The following NIM1K variants were observed in gnomAD, a reference collection of about 807,000 sequenced individuals.
NIM1K encodes the protein NIM1 serine/threonine protein kinase, also known as serine/threonine-protein kinase NIM1.
A neutral mutation model predicts 37.1 loss-of-function variants in NIM1K; 35 were observed. That is an observed-to-expected ratio of 0.94 (90% CI 0.72 to 1.25). NIM1K has a LOEUF of 1.25. NIM1K is among the 50% of genes most tolerant of loss of function. The probability of loss-of-function intolerance (pLI) is 0.00; values close to 1 mark genes in which losing one functional copy is unlikely to be tolerated. For missense variants in NIM1K, 564 were observed against 548.0 expected (o/e 1.03, Z -0.29); for synonymous variants, 234 against 206.6 (o/e 1.13, Z -1.14).
Position 43,245,114 on chromosome 5 carries a change from G to A in NIM1K, c.-662G>A, listed in dbSNP as rs963228358. The A allele has an allele frequency of 3.3e-5, 5 of 152,300 alleles. No individual in the cohort carries two copies. In the East Asian group the frequency reaches 7.7e-4, roughly 23 times the overall value. 9.4% of individuals were successfully genotyped at this position (152,300 alleles called of 1,614,324 possible). A position where few individuals can be genotyped will look rare whatever the true frequency, so the allele number is the denominator to read the frequency against. ...CAGCCAAATTTTCGAGACAGCTCACGGCTTAGAGGAAGGTTCATCTAAATA... is the reference window on the plus strand; with the variant it reads ...CAGCCAAATTTTCGAGACAGCTCACAGCTTAGAGGAAGGTTCATCTAAATA... On this transcript the variant is annotated 5_prime_UTR_variant, in exon 2 of 4. Transcript: ENST00000326035.
intron 1 of NIM1K, among the ~76,000 whole-genome samples, chr5:43,202,043 G>C (rs1290998164): frequency 6.6e-6 from 1 of 151,304 alleles, no homozygotes; most frequent in East Asian, 1.9e-4. Context: ...TTGTGACCTT[G>C]AGCTATTTGA....
chr5:43,257,063 C>T (rs1348947232), intron 2 of NIM1K, among the ~76,000 whole-genome samples: 1 of 151,464 alleles, frequency 6.6e-6, no homozygotes, highest in Non-Finnish European at 1.5e-5. Context: ...AGAACTAAGC[C>T]TTCAGGTATC....
chr5:43,260,262 T>C (rs957543612), intron 2 of NIM1K, among the ~76,000 whole-genome samples: 18 of 152,236 alleles, frequency 1.2e-4, no homozygotes, highest in African/African-American at 3.1e-4. Context: ...TCCAGTACTA[T>C]GTTGAACAGA....
chr5:43,232,828 G>C lies in NIM1K; in HGVS notation c.-694-12254G>C, dbSNP rs553393115. The C allele has an allele frequency of 3.6e-5, 37 of 1,034,150 alleles. No individual in the cohort carries two copies. In the African/African-American group the frequency reaches 5.7e-4, roughly 16 times the overall value. The allele number at this position is 1,034,150 out of a possible 1,614,324, so 64.1% of individuals were successfully genotyped here. ...ACAAATTTGGTCCAAAACGAGGTCA[G>C]TGATCTCCTGGCCAATGGTGTAGTG... On this transcript the variant is annotated intron_variant, in intron 1 of 3. Coordinates refer to ENST00000326035, the MANE Select transcript of NIM1K (RefSeq NM_153361.4).
intron 2 of NIM1K, among the ~76,000 whole-genome samples, chr5:43,257,733 G>A (rs1171469996): frequency 6.6e-6 from 1 of 151,922 alleles, no homozygotes; most frequent in Non-Finnish European, 1.5e-5. Flanking sequence ...GGAGTCAAGA[G>A]AGGCTTTTTT....
At chr5:43,201,082 G>A (rs984772900) in intron 1 of NIM1K, among the ~76,000 whole-genome samples, 1 of 149,080 alleles carries the variant, frequency 6.7e-6, no homozygotes, top group Admixed American at 6.8e-5. Flanking sequence ...CCAAGATGGC[G>A]CCGCTGCACT....
intron 1 of NIM1K, among the ~76,000 whole-genome samples, chr5:43,218,870 G>A (rs865935965): frequency 6.6e-6 from 1 of 151,948 alleles, no homozygotes; most frequent in African/African-American, 2.4e-5. Context: ...GAGATTGCAG[G>A]AATGATATGG....
intron 1 of NIM1K, among the ~76,000 whole-genome samples, chr5:43,214,832 C>A (rs12515984): frequency 0.3 from 37,774 of 125,328 alleles, 5,690 homozygotes; most frequent in East Asian, 0.65. Context: ...AAAAAAAAAA[C>A]AAAAAAGAAA....
chr5:43,237,869 T>G (rs1053946523), intron 1 of NIM1K, among the ~76,000 whole-genome samples: 3 of 152,106 alleles, frequency 2.0e-5, no homozygotes, highest in Non-Finnish European at 2.9e-5. Context: ...TGAGATTTGC[T>G]GGCAATTCAG....
At chr5:43,237,778 AT>A (rs1246423708) in intron 1 of NIM1K, among the ~76,000 whole-genome samples, 2 of 152,074 alleles carry the variant, frequency 1.3e-5, no homozygotes, top group Non-Finnish European at 2.9e-5. Flanking sequence ...TTTCTTTTAG[AT>A]TTTTTCCTTC....
chr5:43,234,323 C>CA (rs1225675176), intron 1 of NIM1K, among the ~76,000 whole-genome samples: 2 of 152,130 alleles, frequency 1.3e-5, no homozygotes, highest in African/African-American at 4.8e-5. Context: ...CGCCTAGCAT[C>CA]TTATTACAAA....
At chr5:43,211,751 C>T (rs1351946560) in intron 1 of NIM1K, among the ~76,000 whole-genome samples, 1 of 152,168 alleles carries the variant, frequency 6.6e-6, no homozygotes, top group Non-Finnish European at 1.5e-5. Context: ...TTTTATCCTA[C>T]AGACATTTTA....
intron 1 of NIM1K, among the ~76,000 whole-genome samples, chr5:43,215,047 A>G (rs1752280474): frequency 6.6e-6 from 1 of 152,182 alleles, no homozygotes; most frequent in Non-Finnish European, 1.5e-5. Flanking sequence ...TTCTGCATTT[A>G]AATAATGTCC....
chr5:43,266,218 G>A (rs1212967365), intron 2 of NIM1K, among the ~76,000 whole-genome samples: 2 of 152,214 alleles, frequency 1.3e-5, no homozygotes, highest in Non-Finnish European at 2.9e-5. Context: ...TGCCCCTAGA[G>A]GTGGAGTCTA....
At chr5:43,250,158 G>A (rs1037699787) in intron 2 of NIM1K, among the ~76,000 whole-genome samples, 17 of 151,960 alleles carry the variant, frequency 1.1e-4, no homozygotes, top group African/African-American at 4.1e-4. Context: ...GGCCGGATTA[G>A]TTTTAAATAT....
At chr5:43,246,181 C>A in intron 2 of NIM1K, 114 bp downstream of exon 2, 1 of 827,174 alleles carries the variant, frequency 1.2e-6, no homozygotes, top group Non-Finnish European at 1.9e-6. Context: ...AGAGCCCCTG[C>A]AAGGCCCACA....
chr5:43,238,391 G>C (rs1423037959), intron 1 of NIM1K, among the ~76,000 whole-genome samples: 1 of 151,726 alleles, frequency 6.6e-6, no homozygotes, highest in Non-Finnish European at 1.5e-5. Flanking sequence ...TGTCTGAATT[G>C]TCTTTGAATT....
rs1423242318 is a variant in NIM1K, at chr5:43,271,151, AC to A, written c.293-5904del. On this transcript the variant is annotated intron_variant, in intron 2 of 3. Transcript: ENST00000326035. ...GGTTTTTAATTTATATATGTGAAATACCTTTTTATAGGCAAAAATAATAATA... is the reference window on the plus strand; with the variant it reads ...GGTTTTTAATTTATATATGTGAAATACTTTTTATAGGCAAAAATAATAATA... 2.6e-5 allele frequency among the ~76,000 whole-genome samples: 4 copies of A among 151,714 alleles called. 1 individual carries two copies. Among genetic ancestry groups the A allele is most frequent in the African/African-American group, 9.7e-5 (4 of 41,236 alleles).
At chr5:43,192,821 C>T (rs1324787775) in intron 1 of NIM1K, 1 of 152,354 alleles carries the variant, frequency 6.6e-6, no homozygotes, top group Non-Finnish European at 1.5e-5. Context: ...AGCTTAGCGC[C>T]TAGCGTTGCG....
Sources: allele counts gnomAD v4.1 joint callset (sites outside exome capture counted in the v4.1 genomes callset), GRCh38; gene constraint gnomAD v4.1.1; transcripts MANE v1.5; gene names NCBI Gene and HGNC (gene_info 2026-07-23, HGNC 2026-07-21).